Variants in BZW2 observed in about 807,000 individuals in gnomAD.
The protein encoded by BZW2 is basic leucine zipper and W2 domains 2, also known as eIF5-mimic protein 1.
In BZW2, 23 loss-of-function variants were observed where a neutral mutation model predicts 53.2. That is an observed-to-expected ratio of 0.43 (90% CI 0.31 to 0.61). BZW2 has a LOEUF of 0.61. Ranked by LOEUF, BZW2 falls within the 20% of genes least tolerant of loss-of-function variation. The pLI, the probability that BZW2 is intolerant of heterozygous loss-of-function variation, is 0.09. For missense variants in BZW2, 409 were observed against 503.1 expected, an observed-to-expected ratio of 0.81 and a Z score of 1.79; for synonymous variants, 227 against 186.4, an observed-to-expected ratio of 1.22 and a Z score of -1.77.
At chr7:16,705,139 C>T (rs914198596) in intron 11 of BZW2, among the ~76,000 whole-genome samples, 6 of 150,908 alleles carry the variant, frequency 4.0e-5, no homozygotes, top group Admixed American at 3.3e-4. Flanking sequence ...GGTGGATCAC[C>T]TGAGGTCAGG....
intron 6 of BZW2, 71 bp from the exon 7 acceptor site, chr7:16,689,726 G>C: frequency 7.8e-7 from 1 of 1,284,310 alleles, no homozygotes; most frequent in Non-Finnish European, 1.1e-6. Context: ...CAGGAAACCT[G>C]GTTGCTTTGC....
At chr7:16,675,385 A>C (rs1386662361) in intron 3 of BZW2, among the ~76,000 whole-genome samples, 1 of 152,222 alleles carries the variant, frequency 6.6e-6, no homozygotes. Context: ...CCTGCTATGC[A>C]AAGAACATGC....
chr7:16,647,952 A>C (rs369163816), intron 1 of BZW2, among the ~76,000 whole-genome samples: 2 of 152,338 alleles, frequency 1.3e-5, no homozygotes, highest in Middle Eastern at 3.4e-3. Context: ...ATAGCAGCTT[A>C]CTATCTATTT....
chr7:16,667,007 G>T (rs996164102), intron 2 of BZW2, among the ~76,000 whole-genome samples: 1 of 152,158 alleles, frequency 6.6e-6, no homozygotes. Flanking sequence ...CTGGGGCCAG[G>T]CGTGGTGGCT....
At chr7:16,694,260 T>A (rs901404092) in intron 7 of BZW2, among the ~76,000 whole-genome samples, 2 of 152,176 alleles carry the variant, frequency 1.3e-5, no homozygotes. Context: ...TCTTAGACCT[T>A]TTCTATTACT....
chr7:16,700,715 A>T (rs1488132629), intron 10 of BZW2: 1 of 152,188 alleles, frequency 6.6e-6, no homozygotes, highest in Non-Finnish European at 1.5e-5. Flanking sequence ...CATGTTCAAG[A>T]TTATACTTAC....
Position 16,706,203 on chromosome 7 carries a change from G to A in BZW2, c.*115G>A. On this transcript the variant is annotated 3_prime_UTR_variant, in exon 12 of 12. Coordinates refer to ENST00000258761, the MANE Select transcript of BZW2 (RefSeq NM_014038.3). ...TTTTCGCAAAGGAAAAAAAAAATAG[G>A]ATAGGCTTCCCTTGTGCAGAGGGAG... The A allele has an allele frequency of 8.6e-7, 1 of 1,156,634 alleles. No homozygotes were observed. Among genetic ancestry groups the A allele is most frequent in the Non-Finnish European group, 1.3e-6 (1 of 792,084 alleles). The allele number at this position is 1,156,634 out of a possible 1,614,324, so 71.6% of individuals were successfully genotyped here. A position where few individuals can be genotyped will look rare whatever the true frequency, so the allele number is the denominator to read the frequency against.
chr7:16,691,637 T>C (rs1562494374), intron 7 of BZW2, among the ~76,000 whole-genome samples: 1 of 152,214 alleles, frequency 6.6e-6, no homozygotes, highest in Non-Finnish European at 1.5e-5. Flanking sequence ...AATCCACTAA[T>C]AGGCTGCTTC....
At chr7:16,668,136 C>T (rs191736250) in intron 2 of BZW2, among the ~76,000 whole-genome samples, 6 of 152,264 alleles carry the variant, frequency 3.9e-5, no homozygotes, top group African/African-American at 7.2e-5. Context: ...GCTGGGGGAT[C>T]GTGTTAATCT....
rs963856481 is a variant in BZW2 at position 16,706,183 on chromosome 7, G to A, written c.*95G>A. The A allele has an allele frequency of 8.4e-5, 116 of 1,385,078 alleles. 1 individual carries two copies. The highest frequency in any genetic ancestry group is 2.3e-4 in the Admixed American group (11 of 48,654). The allele number at this position is 1,385,078 out of a possible 1,614,324, so 85.8% of individuals were successfully genotyped here. Reference sequence around the variant, plus strand: ...GAAGAGAAACTTGGCTTCTGTTTTCGCAAAGGAAAAAAAAAATAGGATAGG... The same window carrying A: ...GAAGAGAAACTTGGCTTCTGTTTTCACAAAGGAAAAAAAAAATAGGATAGG... On this transcript the variant is annotated 3_prime_UTR_variant, in exon 12 of 12. Coordinates refer to ENST00000258761, the MANE Select transcript of BZW2 (RefSeq NM_014038.3).
intron 10 of BZW2, among the ~76,000 whole-genome samples, chr7:16,702,685 T>G (rs1783706770): frequency 6.6e-6 from 1 of 152,152 alleles, no homozygotes; most frequent in Non-Finnish European, 1.5e-5. Flanking sequence ...AGACAAATAG[T>G]ATCACTAAAC....
At chr7:16,691,031 C>T (rs982825127) in intron 7 of BZW2, among the ~76,000 whole-genome samples, 5 of 152,192 alleles carry the variant, frequency 3.3e-5, no homozygotes, top group African/African-American at 1.2e-4. Flanking sequence ...CTCAAGAACA[C>T]ATGAAAGTAA....
intron 6 of BZW2, among the ~76,000 whole-genome samples, chr7:16,689,129 G>A (rs1033543320): frequency 1.3e-5 from 2 of 152,130 alleles, no homozygotes; most frequent in Non-Finnish European, 2.9e-5. Flanking sequence ...GGGAGGCTGA[G>A]GCAGGAGAAT....
chr7:16,659,428 G>A (rs543176326), intron 1 of BZW2, among the ~76,000 whole-genome samples: 1 of 152,222 alleles, frequency 6.6e-6, no homozygotes, highest in African/African-American at 2.4e-5. Context: ...TAGGCATATA[G>A]TTAGTTTGTT....
intron 1 of BZW2, among the ~76,000 whole-genome samples, chr7:16,661,849 T>C (rs994735561): frequency 1.3e-5 from 2 of 152,136 alleles, no homozygotes; most frequent in African/African-American, 2.4e-5. Flanking sequence ...AGAAGCCAAA[T>C]TGTCATGATG....
At chr7:16,701,031 A>G (rs1783650773) in intron 10 of BZW2, among the ~76,000 whole-genome samples, 1 of 152,198 alleles carries the variant, frequency 6.6e-6, no homozygotes, top group African/African-American at 2.4e-5. Context: ...GGCAAATCTA[A>G]TTACTTAATT....
intron 1 of BZW2, among the ~76,000 whole-genome samples, chr7:16,649,158 C>G (rs1462195392): frequency 6.6e-6 from 1 of 152,152 alleles, no homozygotes; most frequent in African/African-American, 2.4e-5. Flanking sequence ...AGCACTTTCT[C>G]ATCGCATTCT....
At chr7:16,658,744 G>A (rs929930963) in intron 1 of BZW2, among the ~76,000 whole-genome samples, 4 of 151,802 alleles carry the variant, frequency 2.6e-5, no homozygotes, top group African/African-American at 9.7e-5. Context: ...GCATGGTGGC[G>A]TGCAACTGTA....
chr7:16,653,847 A>C (rs1431020171), intron 1 of BZW2, among the ~76,000 whole-genome samples: 1 of 152,148 alleles, frequency 6.6e-6, no homozygotes, highest in East Asian at 1.9e-4. Context: ...GATTGGGAAG[A>C]GCACTACCCT....
Sources: gnomAD v4.1 joint callset for allele counts (sites outside exome capture counted in the v4.1 genomes callset) on GRCh38, gnomAD v4.1.1 for gene constraint, MANE v1.5 for transcripts, NCBI Gene and HGNC (gene_info 2026-07-23, HGNC 2026-07-21) for gene names.